Variants in DMTF1 observed in about 807,000 individuals in gnomAD.
DMTF1 encodes the protein cyclin-D-binding Myb-like transcription factor 1.
In DMTF1, 39 loss-of-function variants were observed where a neutral mutation model predicts 91.1. The ratio of observed to expected loss-of-function variants is 0.43; its 90% CI spans 0.33 to 0.56. DMTF1 has a LOEUF of 0.56. Ranked by LOEUF, DMTF1 falls within the 20% of genes least tolerant of loss-of-function variation. DMTF1 has a pLI of 0.05. For missense variants in DMTF1, 750 were observed against 914.5 expected (o/e 0.82, Z 2.32); for synonymous variants, 338 against 309.5 (o/e 1.09, Z -0.97).
intron 4 of DMTF1, among the ~76,000 whole-genome samples, chr7:87,170,324 T>C (rs527258185): frequency 5.3e-5 from 8 of 152,298 alleles, no homozygotes; most frequent in African/African-American, 1.9e-4. Context: ...GCAGCCAGAG[T>C]GAGCCTCTTA....
chr7:87,194,142 T>A, intron 16 of DMTF1, 40 bp downstream of exon 16: 1 of 1,515,200 alleles, frequency 6.6e-7, no homozygotes, highest in Non-Finnish European at 8.8e-7. Flanking sequence ...GATTCTTGCC[T>A]TGAGCCTCAA....
Position 87,174,018 on chromosome 7 carries a change from A to G in DMTF1, c.442+369A>G, listed in dbSNP as rs530595799. On this transcript the variant is annotated intron_variant, in intron 6 of 17. Coordinates refer to ENST00000331242, the MANE Select transcript of DMTF1 (RefSeq NM_001142327.2). ...AAGCAGCTTAGAGGCTCAAGGTAAC[A>G]TAGTGTTTACAGTGTTGGCTATGCT... is the stretch of plus-strand genomic sequence containing the variant. Among the ~76,000 whole-genome samples the G allele has an allele frequency of 2.0e-4, 31 of 152,274 alleles. 1 individual carries two copies. Among genetic ancestry groups the G allele is most frequent in the African/African-American group, 7.2e-4 (30 of 41,550 alleles).
In DMTF1 at chr7:87,190,981, C is replaced by A. The variant is rs368273978; in HGVS notation, c.1448C>A (p.Thr483Lys). 34 of 1,610,830 alleles carry A rather than the reference C, an allele frequency of 2.1e-5. No individual in the cohort carries two copies. The highest frequency in any genetic ancestry group is 2.9e-5 in the Non-Finnish European group (34 of 1,178,130). ...ADSPATVDSE[T>K]ITLNSGTLQT... ...TCTCCTGCTACCGTTGACTCAGAAA[C>A]AATAACACTAAACAGTGGAACACTA... The change falls in exon 14 of 18, where the codon ACA (threonine) becomes AAA (lysine). Residue 483 changes from threonine to lysine, a missense_variant. Thr to Lys is a moderately conservative substitution (Grantham distance 78). This residue lies in a region of DMTF1 where 410 missense variants were observed against 420.2 expected (regional missense o/e 0.98). Transcript: ENST00000331242.
intron 7 of DMTF1, among the ~76,000 whole-genome samples, chr7:87,178,511 T>C (rs1042342609): frequency 6.6e-6 from 1 of 152,068 alleles, no homozygotes; most frequent in African/African-American, 2.4e-5. Context: ...TACATTTTTT[T>C]CCATAAATTT....
At chr7:87,175,620 AAG>A (rs916231892) in intron 7 of DMTF1, among the ~76,000 whole-genome samples, 2 of 152,186 alleles carry the variant, frequency 1.3e-5, no homozygotes, top group African/African-American at 4.8e-5. Flanking sequence ...AGATTACAGA[AAG>A]AAGAGTTTTT....
chr7:87,172,299 G>A (rs1435919493), intron 5 of DMTF1, among the ~76,000 whole-genome samples: 1 of 152,174 alleles, frequency 6.6e-6, no homozygotes, highest in Non-Finnish European at 1.5e-5. Context: ...AGTATGACAT[G>A]TAAATAGAGG....
intron 6 of DMTF1, among the ~76,000 whole-genome samples, chr7:87,174,350 T>G (rs76017518): frequency 4.4e-4 from 2 of 4,558 alleles, no homozygotes; most frequent in East Asian, 2.8e-3. Context: ...GAGAGGTAAT[T>G]TTTTTTAAAT....
chr7:87,158,402 C>G (rs1791354302), intron 1 of DMTF1, among the ~76,000 whole-genome samples: 1 of 151,970 alleles, frequency 6.6e-6, no homozygotes. Context: ...TGGCATCTAA[C>G]AAAATCTAAA....
Position 87,193,759 on chromosome 7 carries a change from C to T in DMTF1, c.1685C>T (p.Thr562Ile). The stretch of plus-strand genomic sequence containing the variant: ...TTGTTGAACACAAGTGATAATGTTA[C>T]AGTGCAGTGTCACACACCAAGAGTC... ...EHLLNTSDNVTVQCHTPRVII... is the reference protein window; with the variant it reads ...EHLLNTSDNVIVQCHTPRVII... The change falls in exon 16 of 18, where the codon ACA becomes ATA. Residue 562 changes from threonine to isoleucine, a missense_variant. Around this residue, in one of 3 missense-constraint regions of DMTF1, gnomAD observed 410 missense variants for 420.2 expected, o/e 0.98. Transcript: ENST00000331242. The T allele has an allele frequency of 1.2e-6, 2 of 1,609,242 alleles. No individual in the cohort carries two copies. Among genetic ancestry groups the T allele is most frequent in the Non-Finnish European group, 1.7e-6 (2 of 1,177,980 alleles).
chr7:87,193,175 A>G (rs201540934), intron 14 of DMTF1, 23 bp from the exon 15 acceptor site: 220 of 1,611,600 alleles, frequency 1.4e-4, no homozygotes, highest in Middle Eastern at 5.0e-4. Context: ...TCATTGTTAA[A>G]CTATCTTTCC....
chr7:87,156,646 C>T (rs1042605435), intron 1 of DMTF1, among the ~76,000 whole-genome samples: 4 of 152,072 alleles, frequency 2.6e-5, no homozygotes, highest in African/African-American at 7.2e-5. Context: ...TATGACCTTA[C>T]CTCTTGTCTG....
chr7:87,188,073 T>C lies in DMTF1; in HGVS notation c.1202-19T>C. 1 of 1,601,848 alleles carries C rather than the reference T, an allele frequency of 6.2e-7. No individual in the cohort carries two copies. Among genetic ancestry groups the C allele is most frequent in the Non-Finnish European group, 8.6e-7 (1 of 1,169,184 alleles). The stretch of plus-strand genomic sequence containing the variant: ...TGTCGGAGAATCAATGTTCTTTTTG[T>C]CTACCCATCTCCCTTCAGTCTTAAT... On this transcript the variant is annotated intron_variant, in intron 12 of 17. Coordinates refer to ENST00000331242, the MANE Select transcript of DMTF1 (RefSeq NM_001142327.2).
In DMTF1 at chr7:87,188,134, A is replaced by G. The variant is rs1210871463; in HGVS notation, c.1244A>G (p.Asn415Ser). The G allele has an allele frequency of 6.2e-7, 1 of 1,613,952 alleles. No homozygotes were observed. Among genetic ancestry groups the G allele is most frequent in the South Asian group, 1.1e-5 (1 of 91,084 alleles). ...GLKQLHENQK[N>S]NPTLLENKSG... is the part of the protein sequence containing the mutation. ...AAACAGTTACATGAGAACCAAAAAA[A>G]CAACCCAACGCTTTTGGAGAATAAA... The change falls in exon 13 of 18, where the codon AAC becomes AGC. Residue 415 changes from asparagine to serine, a missense_variant. By Grantham distance (46) the Asn-to-Ser change is conservative. This residue lies in a region of DMTF1 where 410 missense variants were observed against 420.2 expected (regional missense o/e 0.98). Coordinates refer to ENST00000331242, the MANE Select transcript of DMTF1 (RefSeq NM_001142327.2).
At chr7:87,180,549 A>G (rs915087358) in intron 8 of DMTF1, among the ~76,000 whole-genome samples, 5 of 152,196 alleles carry the variant, frequency 3.3e-5, no homozygotes, top group Non-Finnish European at 5.9e-5. Flanking sequence ...AGTATGTCAG[A>G]TGTCCATACC....
At chr7:87,184,807 T>A in intron 11 of DMTF1, 182 bp downstream of exon 11, 1 of 315,854 alleles carries the variant, frequency 3.2e-6, no homozygotes, top group Non-Finnish European at 6.1e-6. Context: ...TGTTTGTTCC[T>A]TTTTTTTTTT....
At chr7:87,170,538 C>T (rs1298864304) in intron 4 of DMTF1, among the ~76,000 whole-genome samples, 2 of 152,152 alleles carry the variant, frequency 1.3e-5, no homozygotes, top group South Asian at 2.1e-4. Context: ...CTTGGCTCTC[C>T]TTGAAATGCT....
chr7:87,188,017 C>G, intron 12 of DMTF1, 75 bp from the exon 13 acceptor site: 1 of 1,187,022 alleles, frequency 8.4e-7, no homozygotes, highest in Non-Finnish European at 1.3e-6. Context: ...CCTTACCTCC[C>G]CCCACCTCCC....
chr7:87,170,285 C>T (rs751819155), intron 4 of DMTF1, among the ~76,000 whole-genome samples: 24 of 152,146 alleles, frequency 1.6e-4, no homozygotes, highest in Admixed American at 2.6e-4. Flanking sequence ...ATCTTTTTTG[C>T]ATTTGCCCTT....
intron 1 of DMTF1, among the ~76,000 whole-genome samples, chr7:87,156,698 T>TA (rs1436271136): frequency 6.6e-6 from 1 of 152,174 alleles, no homozygotes; most frequent in Admixed American, 6.5e-5. Flanking sequence ...ATGAATTTGT[T>TA]ACCTATTATC....
Sources: allele counts gnomAD v4.1 joint callset (sites outside exome capture counted in the v4.1 genomes callset), GRCh38; gene constraint gnomAD v4.1.1; regional missense constraint gnomAD v4.1.1; transcripts MANE v1.5; gene names NCBI Gene and HGNC (gene_info 2026-07-23, HGNC 2026-07-21).